The following KIRREL3 variants were observed in gnomAD, a reference collection of about 807,000 sequenced individuals.
The protein encoded by KIRREL3 is kin of IRRE-like protein 3.
In KIRREL3, 36 loss-of-function variants were observed where a neutral mutation model predicts 89.7. The ratio of observed to expected loss-of-function variants is 0.40; its 90% confidence interval spans 0.31 to 0.53. The LOEUF (loss-of-function observed/expected upper bound fraction) is 0.53, where lower values mean the gene tolerates loss of function less well. Ranked by LOEUF, KIRREL3 falls within the 20% of genes least tolerant of loss-of-function variation. KIRREL3 has a pLI of 0.49. For missense variants in KIRREL3, 864 were observed against 1,056.6 expected, an observed-to-expected ratio of 0.82 and a Z score of 2.53; for synonymous variants, 445 against 441.4, an observed-to-expected ratio of 1.01 and a Z score of -0.10.
At chr11:126,452,027 C>T (rs1312114976) in intron 7 of KIRREL3, among the ~76,000 whole-genome samples, 1 of 152,140 alleles carries the variant, frequency 6.6e-6, no homozygotes, top group Non-Finnish European at 1.5e-5. Flanking sequence ...AACGCCGTCT[C>T]CTGCCCTTCC....
At chr11:126,760,049 C>T (rs1949620746) in intron 1 of KIRREL3, among the ~76,000 whole-genome samples, 1 of 152,200 alleles carries the variant, frequency 6.6e-6, no homozygotes, top group African/African-American at 2.4e-5. Flanking sequence ...TGATCTAGCA[C>T]AGTTTTCTTC....
In KIRREL3 at chr11:126,976,305, T is replaced by C. The variant is rs570031860; in HGVS notation, c.55+24150A>G. ...TGAAATTATAATGACATATTATTTT[T>C]CTTAAATGAGATGTTAGCATCACTT... On this transcript the variant is annotated intron_variant, in intron 1 of 16. Transcript: ENST00000525144. The surrounding 1 kb of genome is among the most constrained non-coding windows in gnomAD (Gnocchi z 4.2). Among the ~76,000 whole-genome samples the C allele has an allele frequency of 1.0e-3, 159 of 152,324 alleles. No homozygotes were observed. The highest frequency in any genetic ancestry group is 3.4e-3 in the Middle Eastern group (1 of 294).
In KIRREL3 at chr11:126,485,107, C is replaced by T. The variant is rs1957320741; in HGVS notation, c.434-11641G>A. Among the ~76,000 whole-genome samples the T allele has an allele frequency of 6.6e-6, 1 of 152,152 alleles. No individual in the cohort carries two copies. The highest frequency in any genetic ancestry group is 6.5e-5 in the Admixed American group (1 of 15,282). ...GTGCTGGGATTACAGCTGTGAGCCA[C>T]TGCGCCCGGCCACAAGTGGGATTGT... On this transcript the variant is annotated intron_variant, in intron 4 of 16. Transcript: ENST00000525144. This position sits in a 1 kb window ranked among gnomAD's most constrained non-coding sequence, Gnocchi z 5.8.
rs1002946225 is a variant in KIRREL3 at position 126,525,752 on chromosome 11, C to A, written c.283+786G>T. Among the ~76,000 whole-genome samples, 5 of 152,172 alleles carry A rather than the reference C, an allele frequency of 3.3e-5. No homozygotes were observed. The highest frequency in any genetic ancestry group is 1.2e-4 in the African/African-American group (5 of 41,428). On this transcript the variant is annotated intron_variant, in intron 3 of 16. Coordinates refer to ENST00000525144, the MANE Select transcript of KIRREL3 (RefSeq NM_032531.4). The surrounding 1 kb of genome is among the most constrained non-coding windows in gnomAD (Gnocchi z 5.4). ...CGCCAAGCCTAGCAAACAACCACTG[C>A]CTACCTGTAGGACAGAATAATGATA...
At chr11:126,438,144 C>T (rs998006615) in intron 11 of KIRREL3, among the ~76,000 whole-genome samples, 4 of 152,232 alleles carry the variant, frequency 2.6e-5, no homozygotes, top group Non-Finnish European at 5.9e-5. Context: ...AAATGCCCCC[C>T]GGGACTGTGG....
In KIRREL3 at chr11:126,491,991, C is replaced by A. The variant is rs1475585313; in HGVS notation, c.434-18525G>T. On this transcript the variant is annotated intron_variant, in intron 4 of 16. Transcript: ENST00000525144. This position sits in a 1 kb window ranked among gnomAD's most constrained non-coding sequence, Gnocchi z 5.5. The stretch of plus-strand genomic sequence containing the variant: ...TGCTAGGATTACAGGTGTGAGCCAC[C>A]ACGCCTGGGAGATTTGGAGTATTGA... Among the ~76,000 whole-genome samples the A allele has an allele frequency of 6.6e-6, 1 of 152,076 alleles. No individual in the cohort carries two copies. Among genetic ancestry groups the A allele is most frequent in the Admixed American group, 6.5e-5 (1 of 15,270 alleles).
intron 1 of KIRREL3, among the ~76,000 whole-genome samples, chr11:126,626,877 G>A (rs1037101709): frequency 1.3e-5 from 2 of 152,000 alleles, no homozygotes; most frequent in East Asian, 1.9e-4. Context: ...GCGTGGTGGC[G>A]CATGCCTGTA....
In KIRREL3 at chr11:126,994,509, T is replaced by C. The variant is rs930827488; in HGVS notation, c.55+5946A>G. Among the ~76,000 whole-genome samples, 7 of 152,214 alleles carry C rather than the reference T, an allele frequency of 4.6e-5. No individual in the cohort carries two copies. The highest frequency in any genetic ancestry group is 1.7e-4 in the African/African-American group (7 of 41,454). ...TGTTGACTGTGTACGCACTGAAACA[T>C]TGTATGCTTATGGAAGACATTTGTT... On this transcript the variant is annotated intron_variant, in intron 1 of 16. Coordinates refer to ENST00000525144, the MANE Select transcript of KIRREL3 (RefSeq NM_032531.4). The surrounding 1 kb of genome is among the most constrained non-coding windows in gnomAD (Gnocchi z 5.2).
Position 126,467,833 on chromosome 11 carries a change from C to A in KIRREL3, c.592-4526G>T, listed in dbSNP as rs1175983792. On this transcript the variant is annotated intron_variant, in intron 5 of 16. Transcript: ENST00000525144. Reference sequence around the variant, plus strand: ...CCTTCACAGAGAAGGCCAGGATGAGCCTCGGCCACACCCAGTGGAGACTCT... The same window carrying A: ...CCTTCACAGAGAAGGCCAGGATGAGACTCGGCCACACCCAGTGGAGACTCT... 2.6e-5 allele frequency among the ~76,000 whole-genome samples: 4 copies of A among 152,188 alleles called. No individual in the cohort carries two copies. The South Asian group carries it at 8.3e-4, about 31-fold the overall frequency.
chr11:126,629,186 G>T, intron 1 of KIRREL3, among the ~76,000 whole-genome samples: 1 of 152,166 alleles, frequency 6.6e-6, no homozygotes, highest in East Asian at 1.9e-4. Context: ...CTCTCTGGGG[G>T]ACTGGGTGCT....
At chr11:126,961,793 C>T (rs1479539688) in intron 1 of KIRREL3, among the ~76,000 whole-genome samples, 2 of 152,198 alleles carry the variant, frequency 1.3e-5, no homozygotes, top group Non-Finnish European at 2.9e-5. Context: ...CAAGGCCTGG[C>T]TTCAAAGTTT....
Position 126,917,459 on chromosome 11 carries a change from G to T in KIRREL3, c.55+82996C>A, listed in dbSNP as rs1483383421. Among the ~76,000 whole-genome samples, 3 of 151,936 alleles carry T rather than the reference G, an allele frequency of 2.0e-5. No individual in the cohort carries two copies. Among genetic ancestry groups the T allele is most frequent in the Non-Finnish European group, 4.4e-5 (3 of 68,006 alleles). Reference sequence around the variant, plus strand: ...AAGTGGTTAAAATGTCAAATTTCATGTTGTATATATTTTACCACAATAAAA... The same window carrying T: ...AAGTGGTTAAAATGTCAAATTTCATTTTGTATATATTTTACCACAATAAAA... On this transcript the variant is annotated intron_variant, in intron 1 of 16. Transcript: ENST00000525144. This position sits in a 1 kb window ranked among gnomAD's most constrained non-coding sequence, Gnocchi z 5.0.
chr11:126,857,402 AT>A (rs1307615132), intron 1 of KIRREL3, among the ~76,000 whole-genome samples: 1 of 152,184 alleles, frequency 6.6e-6, no homozygotes, highest in African/African-American at 2.4e-5. Flanking sequence ...GAGGATGAGT[AT>A]TTGCTTAGAA....
At chr11:126,440,641 C>G (rs908165422) in intron 10 of KIRREL3, 92 bp from the exon 11 acceptor site, 3 of 1,132,036 alleles carry the variant, frequency 2.7e-6, no homozygotes, top group African/African-American at 3.1e-5. Flanking sequence ...TTCATTAATC[C>G]AAGCATTCAG....
intron 1 of KIRREL3, among the ~76,000 whole-genome samples, chr11:126,758,803 C>CT (rs1949583749): frequency 6.6e-6 from 1 of 152,172 alleles, no homozygotes; most frequent in Non-Finnish European, 1.5e-5. Context: ...CAATTTCTCC[C>CT]TCAAAACTGC....
In KIRREL3 at chr11:126,537,144, A is replaced by T. The variant is rs947808632; in HGVS notation, c.134-10457T>A. On this transcript the variant is annotated intron_variant, in intron 2 of 16. Coordinates refer to ENST00000525144, the MANE Select transcript of KIRREL3 (RefSeq NM_032531.4). The surrounding 1 kb of genome is among the most constrained non-coding windows in gnomAD (Gnocchi z 4.3). ...CAGACCTGGACAGGAAGTGAGGGTC[A>T]CTAATATAAGGATGGAAATGCTTGT... Among the ~76,000 whole-genome samples, 1 of 152,180 alleles carries T rather than the reference A, an allele frequency of 6.6e-6. No individual in the cohort carries two copies. Among genetic ancestry groups the T allele is most frequent in the East Asian group, 1.9e-4 (1 of 5,186 alleles).
rs560394301 is a variant in KIRREL3, at chr11:126,431,907, G to A, written c.1589-381C>T. On this transcript the variant is annotated intron_variant, in intron 13 of 16. Coordinates refer to ENST00000525144, the MANE Select transcript of KIRREL3 (RefSeq NM_032531.4). This position sits in a 1 kb window ranked among gnomAD's most constrained non-coding sequence, Gnocchi z 7.1. ...AAACAGGAATGCTCTATCACACAGC[G>A]GCCAGTGAGTCATAGGCCCTGGCTT... Among the ~76,000 whole-genome samples, 6 of 152,308 alleles carry A rather than the reference G, an allele frequency of 3.9e-5. No homozygotes were observed. Among genetic ancestry groups the A allele is most frequent in the East Asian group, 1.9e-4 (1 of 5,188 alleles).
intron 1 of KIRREL3, among the ~76,000 whole-genome samples, chr11:126,901,017 C>A (rs1946347930): frequency 6.6e-6 from 1 of 151,966 alleles, no homozygotes; most frequent in Non-Finnish European, 1.5e-5. Context: ...AGTTCGAGAC[C>A]AGCCTGACAA....
intron 1 of KIRREL3, among the ~76,000 whole-genome samples, chr11:126,757,371 A>G (rs1343774606): frequency 6.6e-6 from 1 of 152,192 alleles, no homozygotes; most frequent in African/African-American, 2.4e-5. Flanking sequence ...AGGTTTCATA[A>G]TACAAATTTG....
Sources: allele counts gnomAD v4.1 joint callset (sites outside exome capture counted in the v4.1 genomes callset), GRCh38; gene constraint gnomAD v4.1.1; non-coding constraint Gnocchi (gnomAD v3.1); transcripts MANE v1.5; gene names NCBI Gene and HGNC (gene_info 2026-07-23, HGNC 2026-07-21).